ASIC2: variants seen among roughly 807,000 people sequenced by gnomAD.
ASIC2 encodes acid sensing ion channel subunit 2, also known as acid-sensing ion channel 2.
ASIC2 carries 25 observed loss-of-function variants against 57.3 expected under a neutral mutation model. The observed-to-expected ratio is 0.44, with a 90% CI of 0.32 to 0.61. The LOEUF (loss-of-function observed/expected upper bound fraction) is 0.61. ASIC2 is among the 20% of genes least tolerant of loss of function. ASIC2 has a pLI of 0.06. For synonymous variants in ASIC2, 319 were observed against 307.5 expected (o/e 1.04, Z -0.39); for missense variants, 641 against 738.1 (o/e 0.87, Z 1.52).
At chr17:33,285,718 A>C (rs770554036) in intron 1 of ASIC2, among the ~76,000 whole-genome samples, 9 of 152,226 alleles carry the variant, frequency 5.9e-5, no homozygotes, top group Non-Finnish European at 1.2e-4. Flanking sequence ...TTCAAACCCA[A>C]GCTTTGTCAC....
At chr17:33,942,609 G>A (rs1916216690) in intron 1 of ASIC2, among the ~76,000 whole-genome samples, 1 of 152,308 alleles carries the variant, frequency 6.6e-6, no homozygotes, top group Admixed American at 6.5e-5. Flanking sequence ...AATGAGTGGT[G>A]AGTCATCTCT....
At chr17:33,275,360 C>T (rs756528989) in intron 1 of ASIC2, among the ~76,000 whole-genome samples, 1 of 152,130 alleles carries the variant, frequency 6.6e-6, no homozygotes, top group South Asian at 2.1e-4. Context: ...TCTGAATCTT[C>T]GCACTATAAC....
At chr17:34,032,202 A>T (rs1279643879) in intron 1 of ASIC2, among the ~76,000 whole-genome samples, 1 of 152,220 alleles carries the variant, frequency 6.6e-6, no homozygotes, top group East Asian at 1.9e-4. Context: ...AGTGGGGGCC[A>T]ATATTCAACA....
chr17:33,790,672 A>G (rs1015731246), intron 1 of ASIC2, among the ~76,000 whole-genome samples: 1 of 152,042 alleles, frequency 6.6e-6, no homozygotes, highest in Non-Finnish European at 1.5e-5. Flanking sequence ...GATTTATTAT[A>G]ATAAATCACA....
chr17:33,633,877 C>G lies in ASIC2; in HGVS notation c.556-521810G>C, dbSNP rs142486154. ...TAGCCTAGTGACCCTGAGACCCTGC[C>G]TCTTCATGACTCCTAAGCCCATCTT... On this transcript the variant is annotated intron_variant, in intron 1 of 9. Transcript: ENST00000359872. Among the ~76,000 whole-genome samples the G allele has an allele frequency of 8.5e-3, 1,291 of 152,314 alleles. 7 individuals carry two copies. The highest frequency in any genetic ancestry group is 0.015 in the Non-Finnish European group (1,010 of 68,026).
At position 33,968,777 on chromosome 17, in the gene ASIC2, G is replaced by A. The variant is rs1189308210; in HGVS notation, c.555+187201C>T. Among the ~76,000 whole-genome samples, 6 of 152,278 alleles carry A rather than the reference G, an allele frequency of 3.9e-5. No individual in the cohort carries two copies. The East Asian group carries it at 1.2e-3, about 29-fold the overall frequency. On this transcript the variant is annotated intron_variant, in intron 1 of 9. Coordinates refer to the ASIC2 transcript ENST00000359872. ...GGAAACCCCAATCATCAAACAAGCA[G>A]TGAAACCACAGCACAGCCTGTCTAG...
chr17:33,126,038 G>T (rs1485661348), intron 1 of ASIC2, among the ~76,000 whole-genome samples: 1 of 152,236 alleles, frequency 6.6e-6, no homozygotes, highest in Non-Finnish European at 1.5e-5. Flanking sequence ...GACAAAGTCA[G>T]ATGAAAACAG....
chr17:33,645,996 G>A (rs1431762889), intron 1 of ASIC2, among the ~76,000 whole-genome samples: 1 of 152,116 alleles, frequency 6.6e-6, no homozygotes, highest in Non-Finnish European at 1.5e-5. Flanking sequence ...ACTCATCAGT[G>A]GTGAACAGCT....
At chr17:33,617,045 G>T (rs1370944810) in intron 1 of ASIC2, among the ~76,000 whole-genome samples, 1 of 152,140 alleles carries the variant, frequency 6.6e-6, no homozygotes, top group Non-Finnish European at 1.5e-5. Context: ...ACATTAAAGA[G>T]GCTTTTGTTT....
chr17:33,335,950 A>G (rs988281602), intron 1 of ASIC2, among the ~76,000 whole-genome samples: 4 of 152,154 alleles, frequency 2.6e-5, no homozygotes, highest in African/African-American at 9.6e-5. Context: ...TCCTTTGAAT[A>G]GGGGTGATAT....
At chr17:33,060,249 T>C (rs1353106854) in intron 3 of ASIC2, among the ~76,000 whole-genome samples, 1 of 152,202 alleles carries the variant, frequency 6.6e-6, no homozygotes, top group Non-Finnish European at 1.5e-5. Flanking sequence ...GCCTATGTCC[T>C]GAATGGTATT....
chr17:33,915,302 T>A (rs1015624480), intron 1 of ASIC2, among the ~76,000 whole-genome samples: 2 of 152,228 alleles, frequency 1.3e-5, no homozygotes, highest in African/African-American at 4.8e-5. Context: ...TCAGTTCTTT[T>A]GTATTTGTCC....
intron 1 of ASIC2, among the ~76,000 whole-genome samples, chr17:33,398,568 ATGATAG>A (rs1910164650): frequency 6.6e-6 from 1 of 152,060 alleles, no homozygotes; most frequent in East Asian, 1.9e-4. Context: ...GATGGCAGTG[ATGATAG>A]TGATGGTGGT....
chr17:34,155,373 C>G (rs1224134236), intron 1 of ASIC2, among the ~76,000 whole-genome samples: 1 of 152,102 alleles, frequency 6.6e-6, no homozygotes, highest in South Asian at 2.1e-4. Context: ...CTCCTCTCCC[C>G]ACATGGAGCT....
At chr17:33,017,499 C>T (rs1215667367) in intron 8 of ASIC2, 106 bp downstream of exon 8, 3 of 897,950 alleles carry the variant, frequency 3.3e-6, no homozygotes, top group East Asian at 2.6e-5. Context: ...GAAGCAGGCT[C>T]TGCATGGAGA....
At chr17:33,373,196 G>A (rs1909147041) in intron 1 of ASIC2, among the ~76,000 whole-genome samples, 1 of 152,250 alleles carries the variant, frequency 6.6e-6, no homozygotes, top group Non-Finnish European at 1.5e-5. Context: ...CATAGAGCAT[G>A]TAATCGACCT....
chr17:33,720,029 C>T (rs1909340011), intron 1 of ASIC2, among the ~76,000 whole-genome samples: 1 of 152,146 alleles, frequency 6.6e-6, no homozygotes, highest in African/African-American at 2.4e-5. Flanking sequence ...TACAGGTGTG[C>T]ACTTCATGCC....
chr17:33,317,886 AGTGTGTGTGTGTGT>A lies in ASIC2; in HGVS notation c.556-205833_556-205820del, dbSNP rs57716479. ...AAATGGATTTGGACGTGTGGAGATG[AGTGTGTGTGTGTGT>A]GTGTGTGTGTGTGTGTGTGTGTGTG... is the stretch of plus-strand genomic sequence containing the variant. On this transcript the variant is annotated intron_variant, in intron 1 of 9. Coordinates refer to the ASIC2 transcript ENST00000359872. Among the ~76,000 whole-genome samples the A allele has an allele frequency of 3.3e-3, 477 of 144,554 alleles. 6 individuals carry two copies. The highest frequency in any genetic ancestry group is 0.022 in the Admixed American group (317 of 14,592). 94.8% of individuals were successfully genotyped at this position (144,554 alleles called of 152,430 possible).
chr17:33,852,267 T>G (rs1253620860), intron 1 of ASIC2, among the ~76,000 whole-genome samples: 1 of 152,234 alleles, frequency 6.6e-6, no homozygotes, highest in Non-Finnish European at 1.5e-5. Flanking sequence ...TTGAATCTTT[T>G]AGATATGTGA....
Sources: gnomAD v4.1 joint callset for allele counts (sites outside exome capture counted in the v4.1 genomes callset) on GRCh38, gnomAD v4.1.1 for gene constraint, MANE v1.5 for transcripts, NCBI Gene and HGNC (gene_info 2026-07-23, HGNC 2026-07-21) for gene names.